CFAP299: variants seen among roughly 807,000 people sequenced by gnomAD.
CFAP299 encodes cilia- and flagella-associated protein 299.
In CFAP299, 21 loss-of-function variants were observed where a neutral mutation model predicts 27.0. That is an observed-to-expected ratio of 0.78 (90% CI 0.55 to 1.12). The LOEUF (loss-of-function observed/expected upper bound fraction) is 1.12, where lower values mean the gene tolerates loss of function less well. Ranked by LOEUF, CFAP299 falls within the 50% of genes most tolerant of loss-of-function variation. The probability of loss-of-function intolerance (pLI) is 0.00; values close to 1 mark genes in which losing one functional copy is unlikely to be tolerated. For synonymous variants in CFAP299, 104 were observed against 98.1 expected (o/e 1.06, Z -0.36); for missense variants, 310 against 276.6 (o/e 1.12, Z -0.86).
chr4:80,696,293 CAAA>C (rs10602062), intron 3 of CFAP299, among the ~76,000 whole-genome samples: 19 of 128,606 alleles, frequency 1.5e-4, no homozygotes, highest in Non-Finnish European at 1.5e-4. Flanking sequence ...AGCTCCGTCT[CAAA>C]AAAAAAAAAA....
chr4:80,592,867 T>C lies in CFAP299; in HGVS notation c.333+9684T>C, dbSNP rs183813304. 1.7e-3 allele frequency among the ~76,000 whole-genome samples: 262 copies of C among 152,332 alleles called. 1 individual carries two copies. The highest frequency in any genetic ancestry group is 2.7e-3 in the Non-Finnish European group (187 of 68,014). ...TGAATATAATTTAATACTTTAAGAGTTTGGTGTCTATAGCACAGTTTGGAT... is the reference window on the plus strand; with the variant it reads ...TGAATATAATTTAATACTTTAAGAGCTTGGTGTCTATAGCACAGTTTGGAT... On this transcript the variant is annotated intron_variant, in intron 3 of 5. Coordinates refer to ENST00000358105, the MANE Select transcript of CFAP299 (RefSeq NM_152770.3).
At position 80,611,336 on chromosome 4, in the gene CFAP299, G is replaced by C. The variant is rs539656483; in HGVS notation, c.333+28153G>C. On this transcript the variant is annotated intron_variant, in intron 3 of 5. Transcript: ENST00000358105. The stretch of plus-strand genomic sequence containing the variant: ...AGTTTTAAAATATTCACTAAATCAG[G>C]GGACATGTGGGAATGCTGGGCAAAT... Among the ~76,000 whole-genome samples, 225 of 152,008 alleles carry C rather than the reference G, an allele frequency of 1.5e-3. 1 individual carries two copies. The highest frequency in any genetic ancestry group is 5.1e-3 in the African/African-American group (210 of 41,460).
At chr4:80,767,591 A>G (rs1725956359) in intron 3 of CFAP299, among the ~76,000 whole-genome samples, 1 of 152,244 alleles carries the variant, frequency 6.6e-6, no homozygotes, top group African/African-American at 2.4e-5. Context: ...CGTCGGCAAC[A>G]GAGCGAGACT....
intron 3 of CFAP299, among the ~76,000 whole-genome samples, chr4:80,776,743 A>C (rs1266829350): frequency 6.6e-6 from 1 of 152,126 alleles, no homozygotes; most frequent in Admixed American, 6.6e-5. Flanking sequence ...CCCGGAACTT[A>C]AAGTAAAATA....
At chr4:80,801,733 A>T (rs949918727) in intron 3 of CFAP299, among the ~76,000 whole-genome samples, 38 of 152,106 alleles carry the variant, frequency 2.5e-4, no homozygotes, top group Non-Finnish European at 3.5e-4. Flanking sequence ...AGATAAAGAA[A>T]AACAAAATAA....
chr4:80,374,912 C>G (rs1345629030), intron 2 of CFAP299, among the ~76,000 whole-genome samples: 1 of 151,952 alleles, frequency 6.6e-6, no homozygotes, highest in Admixed American at 6.6e-5. Context: ...GGCCTGTTTG[C>G]ATATGACTTA....
intron 4 of CFAP299, among the ~76,000 whole-genome samples, chr4:80,932,558 C>A (rs1277966215): frequency 6.6e-6 from 1 of 152,024 alleles, no homozygotes; most frequent in East Asian, 1.9e-4. Context: ...GATTAAATTT[C>A]ATGTCTCTGT....
intron 2 of CFAP299, among the ~76,000 whole-genome samples, chr4:80,471,521 G>T (rs1019937997): frequency 3.4e-4 from 49 of 143,248 alleles, no homozygotes; most frequent in African/African-American, 1.1e-3. Flanking sequence ...AGCAAATGAG[G>T]TGGTAATAAC....
chr4:80,558,358 G>GTTTTTTTT (rs1174909337), intron 2 of CFAP299, among the ~76,000 whole-genome samples: 16 of 121,674 alleles, frequency 1.3e-4, no homozygotes, highest in African/African-American at 5.3e-4. Flanking sequence ...TTGTTTGTTT[G>GTTTTTTTT]TTTGTTTGTT....
At chr4:80,431,695 T>C (rs1175600262) in intron 2 of CFAP299, among the ~76,000 whole-genome samples, 3 of 152,206 alleles carry the variant, frequency 2.0e-5, no homozygotes, top group African/African-American at 7.2e-5. Context: ...TGAGGCATTG[T>C]CAAACTAGGA....
intron 3 of CFAP299, among the ~76,000 whole-genome samples, chr4:80,749,040 C>T (rs1436313745): frequency 6.6e-6 from 1 of 152,118 alleles, no homozygotes; most frequent in Non-Finnish European, 1.5e-5. Context: ...TTACCTATTT[C>T]ACATTCACTA....
At chr4:80,920,752 C>A (rs143133894) in intron 4 of CFAP299, among the ~76,000 whole-genome samples, 163 of 152,144 alleles carry the variant, frequency 1.1e-3, no homozygotes, top group African/African-American at 3.6e-3. Context: ...TCTGTTTCTA[C>A]CTTCTGGGGT....
chr4:80,929,925 G>A (rs1438530986), intron 4 of CFAP299, among the ~76,000 whole-genome samples: 1 of 152,046 alleles, frequency 6.6e-6, no homozygotes, highest in Non-Finnish European at 1.5e-5. Context: ...CCATCTCCTG[G>A]CATATAACTC....
chr4:80,358,859 CCA>C (rs2109993755), intron 1 of CFAP299, among the ~76,000 whole-genome samples: 1 of 152,210 alleles, frequency 6.6e-6, no homozygotes, highest in East Asian at 1.9e-4. Context: ...GATCCTGTCA[CCA>C]CAGTTTTAGC....
At chr4:80,785,662 G>T (rs1293139290) in intron 3 of CFAP299, among the ~76,000 whole-genome samples, 1 of 152,126 alleles carries the variant, frequency 6.6e-6, no homozygotes, top group East Asian at 1.9e-4. Context: ...ATTGCAATGT[G>T]TTTTAGTTAG....
At chr4:80,497,656 TA>T (rs1484436051) in intron 2 of CFAP299, among the ~76,000 whole-genome samples, 1 of 152,114 alleles carries the variant, frequency 6.6e-6, no homozygotes, top group Non-Finnish European at 1.5e-5. Context: ...ATATACTATT[TA>T]AAACTCAGAT....
intron 2 of CFAP299, among the ~76,000 whole-genome samples, chr4:80,371,058 G>T (rs1202305836): frequency 6.6e-6 from 1 of 152,206 alleles, no homozygotes; most frequent in Non-Finnish European, 1.5e-5. Flanking sequence ...AGGTTCCCAA[G>T]CCTCAACTCC....
chr4:80,920,895 C>T (rs1431004662), intron 4 of CFAP299, among the ~76,000 whole-genome samples: 1 of 152,098 alleles, frequency 6.6e-6, no homozygotes. Flanking sequence ...ATACTATTCT[C>T]TTATTCAGGG....
chr4:80,494,111 C>G (rs943640542), intron 2 of CFAP299, among the ~76,000 whole-genome samples: 2 of 152,164 alleles, frequency 1.3e-5, no homozygotes, highest in East Asian at 3.9e-4. Flanking sequence ...GAGTGAATCC[C>G]ACCTCCATGC....
Sources: allele counts gnomAD v4.1 joint callset (sites outside exome capture counted in the v4.1 genomes callset), GRCh38; gene constraint gnomAD v4.1.1; transcripts MANE v1.5; gene names NCBI Gene and HGNC (gene_info 2026-07-23, HGNC 2026-07-21).